Variants in THAP4 observed in about 807,000 individuals in gnomAD.
THAP4 encodes the protein THAP domain containing 4.
Under a neutral mutation model 48.1 loss-of-function variants are expected in THAP4, and 18 were observed. That is an observed-to-expected ratio of 0.37 (90% CI 0.26 to 0.56). The LOEUF (loss-of-function observed/expected upper bound fraction) is 0.56, where lower values mean the gene tolerates loss of function less well. THAP4 is among the 20% of genes least tolerant of loss of function. The pLI, the probability that THAP4 is intolerant of heterozygous loss-of-function variation, is 0.78. For missense variants in THAP4, 656 were observed against 774.9 expected, an observed-to-expected ratio of 0.85 and a Z score of 1.82; for synonymous variants, 345 against 324.9, an observed-to-expected ratio of 1.06 and a Z score of -0.66.
intron 5 of THAP4, among the ~76,000 whole-genome samples, chr2:241,596,720 G>A (rs1207055545): frequency 6.6e-6 from 1 of 151,422 alleles, no homozygotes; most frequent in Non-Finnish European, 1.5e-5. Flanking sequence ...GCAGGAGAAT[G>A]GAGTGAACCC....
intron 1 of THAP4, among the ~76,000 whole-genome samples, chr2:241,634,281 T>A (rs2067609516): frequency 6.6e-6 from 1 of 152,220 alleles, no homozygotes; most frequent in Non-Finnish European, 1.5e-5. Context: ...AGACCCGTTG[T>A]CTACCCATAC....
At chr2:241,614,644 G>C (rs762564688) in intron 2 of THAP4, among the ~76,000 whole-genome samples, 7 of 152,192 alleles carry the variant, frequency 4.6e-5, no homozygotes, top group Non-Finnish European at 1.0e-4. Context: ...CCAGCACTTT[G>C]GGAGGCTGAA....
intron 5 of THAP4, among the ~76,000 whole-genome samples, chr2:241,594,398 A>C (rs2067023950): frequency 6.6e-6 from 1 of 152,176 alleles, no homozygotes; most frequent in African/African-American, 2.4e-5. Flanking sequence ...AGCCTGGGCA[A>C]CATGGCAAAA....
chr2:241,586,038 G>A (rs2066892880), intron 5 of THAP4, among the ~76,000 whole-genome samples: 1 of 151,262 alleles, frequency 6.6e-6, no homozygotes, highest in African/African-American at 2.4e-5. Context: ...GGCGGATCAC[G>A]AGGTAAGGAG....
chr2:241,600,255 T>C (rs1331596788), intron 5 of THAP4, among the ~76,000 whole-genome samples: 1 of 152,174 alleles, frequency 6.6e-6, no homozygotes, highest in African/African-American at 2.4e-5. Context: ...TGTGCTTTAA[T>C]GTATGTATGA....
chr2:241,584,493 G>A lies in THAP4; in HGVS notation c.*113C>T. The A allele has an allele frequency of 1.7e-6, 2 of 1,155,524 alleles. No homozygotes were observed. Among genetic ancestry groups the A allele is most frequent in the South Asian group, 1.4e-5 (1 of 72,448 alleles). The allele number at this position is 1,155,524 out of a possible 1,614,324, so 71.6% of individuals were successfully genotyped here. On this transcript the variant is annotated 3_prime_UTR_variant, in exon 6 of 6. Transcript: ENST00000407315. ...AGAAACATCTGGACAACACTCTTGAGCCTGCAGAGGCTCACGGCCACACCC... is the reference window on the plus strand; with the variant it reads ...AGAAACATCTGGACAACACTCTTGAACCTGCAGAGGCTCACGGCCACACCC...
chr2:241,603,928 G>A, intron 3 of THAP4, among the ~76,000 whole-genome samples: 1 of 151,240 alleles, frequency 6.6e-6, no homozygotes, highest in Non-Finnish European at 1.5e-5. Context: ...CAGTCGGGTA[G>A]ATCTCTTGAG....
In THAP4 at chr2:241,626,102, G is replaced by A. The variant is rs1339661630; in HGVS notation, c.1240+6815C>T. On this transcript the variant is annotated intron_variant, in intron 2 of 5. Transcript: ENST00000407315. Reference sequence around the variant, plus strand: ...TTCCAACATCCCATTCATGATAACAGCTCTCAGCAACAGGAATAAATGGGA... The same window carrying A: ...TTCCAACATCCCATTCATGATAACAACTCTCAGCAACAGGAATAAATGGGA... Among the ~76,000 whole-genome samples the A allele has an allele frequency of 3.3e-5, 5 of 152,078 alleles. No homozygotes were observed. The South Asian group carries it at 1.0e-3, about 31-fold the overall frequency.
At chr2:241,604,010 CAAA>C (rs879339295) in intron 3 of THAP4, among the ~76,000 whole-genome samples, 1 of 131,020 alleles carries the variant, frequency 7.6e-6, no homozygotes, top group African/African-American at 2.8e-5. Context: ...AAAACCAAAC[CAAA>C]AAAAAAAAAG....
At chr2:241,617,327 C>T in intron 2 of THAP4, 2 of 1,023,478 alleles carry the variant, frequency 2.0e-6, no homozygotes, top group Non-Finnish European at 2.9e-6. Flanking sequence ...GAAATCTCAA[C>T]CAAAACACAA....
At chr2:241,637,543 GC>G, upstream of THAP4, 1 of 1,463,786 alleles carries the variant, frequency 6.8e-7, no homozygotes, top group South Asian at 1.3e-5. Context: ...GCTCGCGTCG[GC>G]CCGGCCGTAC....
intron 2 of THAP4, among the ~76,000 whole-genome samples, chr2:241,628,535 C>A (rs1559234475): frequency 6.6e-6 from 1 of 151,956 alleles, no homozygotes; most frequent in Non-Finnish European, 1.5e-5. Flanking sequence ...GCCTCTCAAC[C>A]CCCTGAACCC....
At chr2:241,632,847 G>A (rs112423548) in intron 2 of THAP4, 70 bp downstream of exon 2, 73,996 of 1,269,920 alleles carry the variant, frequency 0.058, 2,446 homozygotes, top group Middle Eastern at 0.12. Context: ...CTCAGGGGAC[G>A]CTGGCCACCT....
intron 2 of THAP4, among the ~76,000 whole-genome samples, chr2:241,632,034 A>G (rs1056255372): frequency 2.6e-5 from 4 of 151,904 alleles, no homozygotes; most frequent in African/African-American, 9.7e-5. Flanking sequence ...CAGCCTCCTG[A>G]GTAGCTGGCA....
intron 2 of THAP4, among the ~76,000 whole-genome samples, chr2:241,618,904 G>C (rs1236474590): frequency 6.6e-6 from 1 of 152,176 alleles, no homozygotes; most frequent in African/African-American, 2.4e-5. Context: ...GCGTTCTCCA[G>C]GCAAAGGCCA....
Position 241,597,692 on chromosome 2 carries a change from CT to C in THAP4, c.1614+4203del, listed in dbSNP as rs1342575973. Among the ~76,000 whole-genome samples, 3 of 152,204 alleles carry C rather than the reference CT, an allele frequency of 2.0e-5. No individual in the cohort carries two copies. In the East Asian group the frequency reaches 5.8e-4, roughly 29 times the overall value. On this transcript the variant is annotated intron_variant, in intron 5 of 5. Coordinates refer to ENST00000407315, the MANE Select transcript of THAP4 (RefSeq NM_015963.6). ...CTTCTAGCCTCAAGGTCCCTGCCTT[CT>C]GTGTGTGCTTCCTGGCTTCCTCAGT...
chr2:241,636,765 G>T (rs1280401739), intron 1 of THAP4, among the ~76,000 whole-genome samples, 176 bp downstream of exon 1: 1 of 150,256 alleles, frequency 6.7e-6, no homozygotes, highest in Non-Finnish European at 1.5e-5. Context: ...TGCCCGAGGC[G>T]CCCGGCCCAG....
intron 2 of THAP4, among the ~76,000 whole-genome samples, chr2:241,627,109 C>T (rs867362733): frequency 6.6e-6 from 1 of 152,208 alleles, no homozygotes; most frequent in African/African-American, 2.4e-5. Context: ...ACCCCCTGCC[C>T]TGTTCCCCTA....
intron 2 of THAP4, among the ~76,000 whole-genome samples, chr2:241,613,795 A>G (rs1288731384): frequency 6.6e-6 from 1 of 152,122 alleles, no homozygotes; most frequent in Non-Finnish European, 1.5e-5. Flanking sequence ...GTAAAACACA[A>G]CAAGCATAAT....
Sources: gnomAD v4.1 joint callset for allele counts (sites outside exome capture counted in the v4.1 genomes callset) on GRCh38, gnomAD v4.1.1 for gene constraint, MANE v1.5 for transcripts, NCBI Gene and HGNC (gene_info 2026-07-23, HGNC 2026-07-21) for gene names.